PSMA1: variants seen among roughly 807,000 people sequenced by gnomAD.
PSMA1 encodes proteasome 20S subunit alpha 1.
PSMA1 carries 3 observed loss-of-function variants against 38.4 expected under a neutral mutation model. That is an observed-to-expected ratio of 0.08 (90% CI 0.04 to 0.20). PSMA1 has a LOEUF of 0.20. Ranked by LOEUF, PSMA1 falls within the 10% of genes least tolerant of loss-of-function variation. PSMA1 has a pLI of 1.00. For missense variants in PSMA1, 227 were observed against 325.3 expected (o/e 0.70, Z 2.32); for synonymous variants, 101 against 107.1 (o/e 0.94, Z 0.35).
chr11:14,611,205 A>G (rs1246790552), intron 1 of PSMA1: 3 of 502,262 alleles, frequency 6.0e-6, no homozygotes, highest in East Asian at 3.2e-5. Flanking sequence ...GATCTTCATC[A>G]GACATCCTGT....
intron 2 of PSMA1, among the ~76,000 whole-genome samples, chr11:14,558,777 A>C (rs1365708227): frequency 6.6e-6 from 1 of 152,250 alleles, no homozygotes; most frequent in Non-Finnish European, 1.5e-5. Context: ...TGTGGTTTCC[A>C]TCCTCCCTGT....
intron 2 of PSMA1, among the ~76,000 whole-genome samples, chr11:14,577,751 G>A (rs1283450928): frequency 6.6e-6 from 1 of 152,106 alleles, no homozygotes; most frequent in Non-Finnish European, 1.5e-5. Context: ...CTTATGGGTG[G>A]CAAAGCCAGA....
chr11:14,541,661 A>T (rs1350152906), intron 2 of PSMA1, among the ~76,000 whole-genome samples: 1 of 152,234 alleles, frequency 6.6e-6, no homozygotes, highest in Non-Finnish European at 1.5e-5. Flanking sequence ...CTGGAGAAAG[A>T]GGCACTAGGG....
chr11:14,626,773 A>C (rs1852917406), intron 1 of PSMA1, among the ~76,000 whole-genome samples: 3 of 152,230 alleles, frequency 2.0e-5, no homozygotes, highest in Admixed American at 2.0e-4. Flanking sequence ...TAGCGATGAT[A>C]ATTAGGGATC....
intron 2 of PSMA1, among the ~76,000 whole-genome samples, chr11:14,596,921 C>T (rs547506561): frequency 6.6e-6 from 1 of 152,200 alleles, no homozygotes; most frequent in Non-Finnish European, 1.5e-5. Flanking sequence ...TACGTTCCAT[C>T]AATACCTAGT....
intron 1 of PSMA1, among the ~76,000 whole-genome samples, chr11:14,637,018 A>T (rs1381231417): frequency 6.6e-6 from 1 of 152,222 alleles, no homozygotes; most frequent in Non-Finnish European, 1.5e-5. Flanking sequence ...ACAATTAAAT[A>T]CAATAAAAAT....
intron 5 of PSMA1, chr11:14,514,181 C>A (rs554861864): frequency 1.5e-6 from 2 of 1,334,276 alleles, no homozygotes; most frequent in East Asian, 3.0e-5. Context: ...AACTTTAAAT[C>A]CCCTCTAAAA....
chr11:14,514,279 A>T, intron 5 of PSMA1, 124 bp downstream of exon 5: 1 of 1,389,330 alleles, frequency 7.2e-7, no homozygotes, highest in Non-Finnish European at 9.3e-7. Flanking sequence ...GAGCAATCCA[A>T]TTTGTTGTTT....
At position 14,504,911 on chromosome 11, in the gene PSMA1, C is replaced by A; in HGVS notation, c.*281G>T. On this transcript the variant is annotated 3_prime_UTR_variant, in exon 10 of 10. Coordinates refer to ENST00000396394, the MANE Select transcript of PSMA1 (RefSeq NM_002786.4). Reference sequence around the variant, plus strand: ...TGAAACAATTTTATTTCACAGTTGTCTTTAAAACCACAAAGACACCTATGT... The same window carrying A: ...TGAAACAATTTTATTTCACAGTTGTATTTAAAACCACAAAGACACCTATGT... 2 of 311,982 alleles carry A rather than the reference C, an allele frequency of 6.4e-6. No individual in the cohort carries two copies. The allele number at this position is 311,982 out of a possible 1,614,324, so 19.3% of individuals were successfully genotyped here.
chr11:14,549,864 C>T (rs922501125), intron 2 of PSMA1, among the ~76,000 whole-genome samples: 5 of 152,130 alleles, frequency 3.3e-5, no homozygotes, highest in Non-Finnish European at 7.4e-5. Context: ...CAGATTTTGC[C>T]CTGCTGCTCC....
rs1238964269 is a variant in PSMA1 at position 14,633,146 on chromosome 11, C to G, written c.-166+10309G>C. On this transcript the variant is annotated intron_variant, in intron 1 of 10. Coordinates refer to the PSMA1 transcript ENST00000418988. The stretch of plus-strand genomic sequence containing the variant: ...CCTTCTTCTCTCAGCTCGTCAAAGT[C>G]ATTCTCCATCCAGCTTTGTTCCATT... Among the ~76,000 whole-genome samples, 7 of 152,212 alleles carry G rather than the reference C, an allele frequency of 4.6e-5. No homozygotes were observed. In the East Asian group the frequency reaches 1.2e-3, roughly 25 times the overall value.
intron 7 of PSMA1, among the ~76,000 whole-genome samples, chr11:14,512,532 G>A (rs1851362290): frequency 6.6e-6 from 1 of 152,112 alleles, no homozygotes; most frequent in Admixed American, 6.5e-5. Flanking sequence ...AAATGTGCTA[G>A]GCAGAGGGTG....
chr11:14,627,311 T>C (rs1335223942), intron 1 of PSMA1, among the ~76,000 whole-genome samples: 1 of 152,208 alleles, frequency 6.6e-6, no homozygotes. Flanking sequence ...CAGGATAATG[T>C]GGTTCCTAGA....
chr11:14,612,307 G>A (rs1852719418), intron 1 of PSMA1, among the ~76,000 whole-genome samples: 1 of 152,194 alleles, frequency 6.6e-6, no homozygotes, highest in African/African-American at 2.4e-5. Context: ...ATATTATGTA[G>A]TGTAACACAC....
At chr11:14,520,539 A>G (rs2134152788), upstream of PSMA1, 7 of 1,369,964 alleles carry the variant, frequency 5.1e-6, no homozygotes, top group South Asian at 1.1e-4. Context: ...ACTGGCGGGA[A>G]AACCTGGCTG....
intron 7 of PSMA1, among the ~76,000 whole-genome samples, chr11:14,513,063 T>C (rs1239836798): frequency 1.3e-5 from 2 of 152,208 alleles, no homozygotes; most frequent in Non-Finnish European, 2.9e-5. Flanking sequence ...TAAAACCCGA[T>C]ACCCTCCTTC....
intron 2 of PSMA1, among the ~76,000 whole-genome samples, chr11:14,558,243 T>C (rs1222747302): frequency 1.0e-5 from 1 of 99,372 alleles, no homozygotes; most frequent in African/African-American, 4.4e-5. Flanking sequence ...TGAGAGCCCA[T>C]CTGCACAAAA....
intron 1 of PSMA1, among the ~76,000 whole-genome samples, chr11:14,624,395 T>C (rs1433696236): frequency 6.6e-6 from 1 of 152,176 alleles, no homozygotes; most frequent in Admixed American, 6.5e-5. Flanking sequence ...GACCTCTATA[T>C]GGTACCATGT....
At position 14,632,700 on chromosome 11, in the gene PSMA1, C is replaced by G. The variant is rs1257273508; in HGVS notation, c.-166+10755G>C. 8.7e-4 allele frequency among the ~76,000 whole-genome samples: 127 copies of G among 145,520 alleles called. 3 individuals are homozygous for G. In the South Asian group the frequency reaches 0.027, roughly 31 times the overall value. On this transcript the variant is annotated intron_variant, in intron 1 of 10. Transcript: ENST00000418988. ...GTGGCGTTCTCTGTATTTCCTGAAT[C>G]TGAACGTTGGCCTGCCTTGCTAGAT...
Sources: allele counts gnomAD v4.1 joint callset (sites outside exome capture counted in the v4.1 genomes callset), GRCh38; gene constraint gnomAD v4.1.1; transcripts MANE v1.5; gene names NCBI Gene and HGNC (gene_info 2026-07-23, HGNC 2026-07-21).